The following PTPRD variants were observed in gnomAD, a reference collection of about 807,000 sequenced individuals.
PTPRD encodes protein tyrosine phosphatase receptor type D, also known as receptor-type tyrosine-protein phosphatase delta.
Under a neutral mutation model 214.5 loss-of-function variants are expected in PTPRD, and 34 were observed. The ratio of observed to expected loss-of-function variants is 0.16; its 90% CI spans 0.12 to 0.21. PTPRD has a LOEUF of 0.21. Among genes scored for constraint, PTPRD ranks in the 10% least tolerant of loss-of-function variants. The pLI is 1.00. For synonymous variants in PTPRD, 1,128 were observed against 845.7 expected (o/e 1.33, Z -5.79); for missense variants, 2,545 against 2,398.7 (o/e 1.06, Z -1.27).
chr9:8,770,845 C>T lies in PTPRD; in HGVS notation c.-103-36899G>A, dbSNP rs781080414. ...AAAACTTTAAGATGTAATCAGCATT[C>T]ATTGAACGGAGTAAAACTTCCCATT... On this transcript the variant is annotated intron_variant, in intron 11 of 45. Coordinates refer to ENST00000381196, the MANE Select transcript of PTPRD (RefSeq NM_002839.4). Among the ~76,000 whole-genome samples, 185 of 152,236 alleles carry T rather than the reference C, an allele frequency of 1.2e-3. 1 individual carries two copies. Among genetic ancestry groups the T allele is most frequent in the Admixed American group, 6.0e-3 (92 of 15,286 alleles).
intron 10 of PTPRD, among the ~76,000 whole-genome samples, chr9:9,030,248 C>T (rs2099600252): frequency 7.6e-6 from 1 of 132,154 alleles, no homozygotes; most frequent in African/African-American, 2.9e-5. Flanking sequence ...TGTCTTAGTG[C>T]CTTTGGATCA....
chr9:10,175,052 G>GA (rs1191390231), intron 3 of PTPRD, among the ~76,000 whole-genome samples: 3 of 152,070 alleles, frequency 2.0e-5, no homozygotes, highest in Non-Finnish European at 2.9e-5. Context: ...AGTTAGTGAT[G>GA]AAAAATGATT....
intron 7 of PTPRD, among the ~76,000 whole-genome samples, chr9:9,581,765 G>A (rs1156478948): frequency 1.3e-5 from 2 of 152,136 alleles, no homozygotes; most frequent in Admixed American, 1.3e-4. Flanking sequence ...TGACTGGCAA[G>A]TGGTGAGACT....
chr9:10,090,999 C>T (rs1173926984), intron 3 of PTPRD, among the ~76,000 whole-genome samples: 1 of 150,086 alleles, frequency 6.7e-6, no homozygotes, highest in Non-Finnish European at 1.5e-5. Flanking sequence ...CAAATGTTGC[C>T]TCATTTTCCA....
chr9:8,542,610 T>C (rs1374615098), intron 14 of PTPRD, among the ~76,000 whole-genome samples: 2 of 152,252 alleles, frequency 1.3e-5, no homozygotes, highest in African/African-American at 2.4e-5. Context: ...TATGCCTCTA[T>C]GAAGGACTCT....
At chr9:10,279,285 C>A (rs547829242) in intron 3 of PTPRD, among the ~76,000 whole-genome samples, 1 of 152,114 alleles carries the variant, frequency 6.6e-6, no homozygotes, top group Non-Finnish European at 1.5e-5. Flanking sequence ...AGGAAAAAAT[C>A]AGATATCACC....
chr9:8,539,659 T>C (rs921316502), intron 14 of PTPRD, among the ~76,000 whole-genome samples: 9 of 151,964 alleles, frequency 5.9e-5, no homozygotes, highest in African/African-American at 2.2e-4. Flanking sequence ...ACTTCCACAA[T>C]ATTCCTGGAA....
chr9:8,876,706 G>T (rs1452685953), intron 11 of PTPRD, among the ~76,000 whole-genome samples: 1 of 152,066 alleles, frequency 6.6e-6, no homozygotes, highest in Admixed American at 6.5e-5. Context: ...TGTTCTTTAT[G>T]ACTGCAGTAA....
At chr9:8,422,008 G>C (rs547335269) in intron 35 of PTPRD, among the ~76,000 whole-genome samples, 29 of 151,468 alleles carry the variant, frequency 1.9e-4, no homozygotes, top group Admixed American at 1.2e-3. Flanking sequence ...TTAGCCAGTG[G>C]GGTGGTGTGT....
At position 8,656,535 on chromosome 9, in the gene PTPRD, C is replaced by T. The variant is rs560460395; in HGVS notation, c.65-19691G>A. 2.6e-5 allele frequency among the ~76,000 whole-genome samples: 4 copies of T among 152,254 alleles called. No homozygotes were observed. The South Asian group carries it at 6.2e-4, about 24-fold the overall frequency. On this transcript the variant is annotated intron_variant, in intron 12 of 45. Coordinates refer to ENST00000381196, the MANE Select transcript of PTPRD (RefSeq NM_002839.4). ...ACCCTTTCCTTGCATAGGTACCACA[C>T]GTCACACTGGCATGGTCAAATACAT... is the stretch of plus-strand genomic sequence containing the variant.
chr9:8,889,362 T>G (rs544818877), intron 11 of PTPRD, among the ~76,000 whole-genome samples: 1 of 152,166 alleles, frequency 6.6e-6, no homozygotes, highest in Non-Finnish European at 1.5e-5. Flanking sequence ...TCCTGGCACA[T>G]AGTAGGCAAT....
chr9:8,468,038 A>T (rs369231228), intron 31 of PTPRD, among the ~76,000 whole-genome samples: 5 of 152,144 alleles, frequency 3.3e-5, no homozygotes, highest in African/African-American at 1.2e-4. Flanking sequence ...TGTAGTTAAT[A>T]GTCGCAATTC....
rs141403124 is a variant in PTPRD, at chr9:8,319,965, C to T, written c.5536G>A (p.Ala1846Thr). The T allele has an allele frequency of 2.2e-4, 349 of 1,611,408 alleles. No individual in the cohort carries two copies. Among genetic ancestry groups the T allele is most frequent in the Non-Finnish European group, 2.6e-4 (304 of 1,178,846 alleles). Residue 1846 changes from alanine (A) to threonine (T), a missense_variant and splice_region_variant, in exon 45 of 46, where the codon GCG becomes ACG. Coordinates refer to ENST00000381196, the MANE Select transcript of PTPRD (RefSeq NM_002839.4). ...AAGACTCCAGTTCTTCCAACGCCCG[C>T]GCTGCCACAATAACAAAGGCGATGT... ...QDGPISVHCS[A>T]GVGRTGVFIT...
At chr9:8,501,195 C>G (rs1348268978) in intron 23 of PTPRD, 136 bp from the exon 24 acceptor site, 1 of 674,376 alleles carries the variant, frequency 1.5e-6, no homozygotes, top group East Asian at 2.7e-5. Flanking sequence ...GGCTTTGAAA[C>G]TTAAATTCTA....
At chr9:9,829,861 G>A (rs891356102) in intron 5 of PTPRD, among the ~76,000 whole-genome samples, 1 of 151,774 alleles carries the variant, frequency 6.6e-6, no homozygotes, top group Non-Finnish European at 1.5e-5. Flanking sequence ...TCAAGCATTT[G>A]CTACTATTTC....
At chr9:9,372,435 C>T (rs1216454763) in intron 9 of PTPRD, among the ~76,000 whole-genome samples, 4 of 152,080 alleles carry the variant, frequency 2.6e-5, no homozygotes, top group Non-Finnish European at 2.9e-5. Context: ...AGGATTGCAA[C>T]CCCTGTCTTT....
chr9:10,478,945 T>A (rs2099079975), intron 2 of PTPRD, among the ~76,000 whole-genome samples: 1 of 152,128 alleles, frequency 6.6e-6, no homozygotes, highest in South Asian at 2.1e-4. Flanking sequence ...TCTCCATACA[T>A]AAATCTATTT....
chr9:8,778,876 A>C (rs1350076607), intron 11 of PTPRD, among the ~76,000 whole-genome samples: 2 of 152,202 alleles, frequency 1.3e-5, no homozygotes, highest in Admixed American at 6.5e-5. Context: ...ACATGTAAAG[A>C]ATTTACCACA....
At chr9:10,425,461 A>G (rs1159645848) in intron 2 of PTPRD, among the ~76,000 whole-genome samples, 3 of 151,918 alleles carry the variant, frequency 2.0e-5, no homozygotes, top group Admixed American at 6.6e-5. Flanking sequence ...CCTGTGCTCT[A>G]TTTATCATCA....
Sources: allele counts gnomAD v4.1 joint callset (sites outside exome capture counted in the v4.1 genomes callset), GRCh38; gene constraint gnomAD v4.1.1; transcripts MANE v1.5; gene names NCBI Gene and HGNC (gene_info 2026-07-23, HGNC 2026-07-21).